PCDH15: variants seen among roughly 807,000 people sequenced by gnomAD.
PCDH15 encodes protocadherin-15.
PCDH15 carries 129 observed loss-of-function variants against 178.5 expected under a neutral mutation model. The observed-to-expected ratio is 0.72, with a 90% CI of 0.63 to 0.84. PCDH15 has a LOEUF of 0.84. Ranked by LOEUF, PCDH15 falls within the 40% of genes least tolerant of loss-of-function variation. PCDH15 has a pLI of 0.00. For synonymous variants in PCDH15, 800 were observed against 732.0 expected, an observed-to-expected ratio of 1.09 and a Z score of -1.50; for missense variants, 2,230 against 2,099.9, an observed-to-expected ratio of 1.06 and a Z score of -1.21.
At chr10:55,224,659 A>C (rs1840976389) in intron 1 of PCDH15, among the ~76,000 whole-genome samples, 1 of 152,090 alleles carries the variant, frequency 6.6e-6, no homozygotes, top group South Asian at 2.1e-4. Flanking sequence ...TCCATGAAGT[A>C]GGGGCTCAAT....
intron 1 of PCDH15, among the ~76,000 whole-genome samples, chr10:55,219,853 T>A (rs961972003): frequency 6.7e-6 from 1 of 149,106 alleles, no homozygotes; most frequent in Non-Finnish European, 1.5e-5. Context: ...TTTCACAGAA[T>A]GTTAGGCCTA....
At chr10:55,476,019 T>C (rs936490607) in intron 2 of PCDH15, among the ~76,000 whole-genome samples, 6 of 152,102 alleles carry the variant, frequency 3.9e-5, no homozygotes, top group East Asian at 1.9e-4. Context: ...TCGACAGTTA[T>C]GTATTCAATT....
At chr10:54,286,699 C>T (rs929805921) in intron 8 of PCDH15, among the ~76,000 whole-genome samples, 7 of 152,264 alleles carry the variant, frequency 4.6e-5, no homozygotes, top group African/African-American at 1.7e-4. Context: ...GATCTCAGCT[C>T]ACTGCAACCT....
intron 15 of PCDH15, among the ~76,000 whole-genome samples, chr10:54,092,573 A>G (rs1376803304): frequency 6.6e-6 from 1 of 152,168 alleles, no homozygotes; most frequent in Non-Finnish European, 1.5e-5. Flanking sequence ...CCAAAATTTT[A>G]TATTTCATTG....
intron 13 of PCDH15, among the ~76,000 whole-genome samples, chr10:54,167,010 T>C (rs910971484): frequency 3.9e-5 from 6 of 152,184 alleles, no homozygotes; most frequent in African/African-American, 1.4e-4. Context: ...GGCCTCACCC[T>C]TATCTCCCTT....
chr10:54,320,587 TA>T (rs1202552904), intron 7 of PCDH15, among the ~76,000 whole-genome samples: 16 of 79,666 alleles, frequency 2.0e-4, no homozygotes, highest in East Asian at 6.7e-4. Context: ...TTTTAAATTT[TA>T]AAAAAAAATA....
rs2079473963 is a variant in PCDH15 at position 53,866,627 on chromosome 10, G to A, written c.3717+15C>T. On this transcript the variant is annotated intron_variant, in intron 27 of 37. Transcript: ENST00000644397. Reference sequence around the variant, plus strand: ...ATCGTAGCTACTTCCCTTTCCTGAAGTTTTATCTACTTACGAGTACATCGG... The same window carrying A: ...ATCGTAGCTACTTCCCTTTCCTGAAATTTTATCTACTTACGAGTACATCGG... The A allele has an allele frequency of 2.5e-6, 4 of 1,606,936 alleles. No homozygotes were observed. Among genetic ancestry groups the A allele is most frequent in the Non-Finnish European group, 3.4e-6 (4 of 1,173,770 alleles).
chr10:55,571,315 C>G (rs1842404452), intron 2 of PCDH15, among the ~76,000 whole-genome samples: 1 of 151,964 alleles, frequency 6.6e-6, no homozygotes, highest in Non-Finnish European at 1.5e-5. Context: ...GAACTGTGAG[C>G]TAAATAAACC....
chr10:54,622,598 T>G lies in PCDH15; in HGVS notation c.91+41574A>C, dbSNP rs1264954960. On this transcript the variant is annotated intron_variant, in intron 2 of 37. Coordinates refer to ENST00000644397, the MANE Select transcript of PCDH15 (RefSeq NM_001384140.1). Reference sequence around the variant, plus strand: ...ATATATATATAATATATATAATATATAATATATATAATTATATATAATATA... The same window carrying G: ...ATATATATATAATATATATAATATAGAATATATATAATTATATATAATATA... Among the ~76,000 whole-genome samples, 209 of 46,556 alleles carry G rather than the reference T, an allele frequency of 4.5e-3. 4 individuals are homozygous for G. Among genetic ancestry groups the G allele is most frequent in the African/African-American group, 0.016 (199 of 12,504 alleles). The allele number at this position is 46,556 out of a possible 152,430, so 30.5% of individuals were successfully genotyped here.
At chr10:54,108,922 C>A (rs912942083) in intron 15 of PCDH15, among the ~76,000 whole-genome samples, 1 of 152,104 alleles carries the variant, frequency 6.6e-6, no homozygotes, top group Non-Finnish European at 1.5e-5. Context: ...AGAGAAGAAC[C>A]CAGTCCTGGT....
At chr10:54,936,900 T>C (rs1179901997) in intron 2 of PCDH15, among the ~76,000 whole-genome samples, 2 of 151,946 alleles carry the variant, frequency 1.3e-5, no homozygotes, top group Non-Finnish European at 1.5e-5. Context: ...CTTTTTGTCA[T>C]ATTTAATAAT....
intron 21 of PCDH15, among the ~76,000 whole-genome samples, chr10:53,981,199 GAAT>G (rs2090611053): frequency 6.6e-6 from 1 of 151,994 alleles, no homozygotes; most frequent in Non-Finnish European, 1.5e-5. Context: ...CAAGAAAATA[GAAT>G]AATAAGATTT....
At chr10:54,166,831 G>T (rs1031033189) in intron 13 of PCDH15, among the ~76,000 whole-genome samples, 1 of 152,074 alleles carries the variant, frequency 6.6e-6, no homozygotes, top group Non-Finnish European at 1.5e-5. Flanking sequence ...AGTGTAAATG[G>T]CCAGTCCTTG....
At chr10:54,892,684 A>C (rs1245065265) in intron 3 of PCDH15, among the ~76,000 whole-genome samples, 1 of 151,004 alleles carries the variant, frequency 6.6e-6, no homozygotes, top group Non-Finnish European at 1.5e-5. Flanking sequence ...TGAATTAGAG[A>C]GATTAATTGA....
chr10:55,149,819 G>C (rs1373942262), intron 2 of PCDH15, among the ~76,000 whole-genome samples: 1 of 152,046 alleles, frequency 6.6e-6, no homozygotes, highest in Non-Finnish European at 1.5e-5. Flanking sequence ...CCAATTGACT[G>C]TGACCATCTG....
intron 3 of PCDH15, among the ~76,000 whole-genome samples, chr10:54,880,965 T>C (rs2131805939): frequency 6.6e-6 from 1 of 152,004 alleles, no homozygotes; most frequent in South Asian, 2.1e-4. Flanking sequence ...AAAAGAATAC[T>C]CCTGTAGGTT....
chr10:54,557,047 A>G (rs181009458), intron 2 of PCDH15, among the ~76,000 whole-genome samples: 197 of 152,268 alleles, frequency 1.3e-3, no homozygotes, highest in Non-Finnish European at 2.1e-3. Context: ...ATTCATCTTT[A>G]AAGTTATCCA....
intron 21 of PCDH15, among the ~76,000 whole-genome samples, chr10:53,980,892 T>C (rs1422360961): frequency 1.3e-5 from 2 of 152,220 alleles, no homozygotes; most frequent in South Asian, 2.1e-4. Flanking sequence ...TAGGTATCTT[T>C]CTAAATATGA....
intron 2 of PCDH15, among the ~76,000 whole-genome samples, chr10:55,406,010 A>G (rs1022057997): frequency 2.0e-5 from 3 of 151,596 alleles, no homozygotes; most frequent in Non-Finnish European, 4.4e-5. Context: ...AAAGATTTGA[A>G]GGAAGTGATG....
Sources: allele counts gnomAD v4.1 joint callset (sites outside exome capture counted in the v4.1 genomes callset), GRCh38; gene constraint gnomAD v4.1.1; transcripts MANE v1.5; gene names NCBI Gene and HGNC (gene_info 2026-07-23, HGNC 2026-07-21).